The following TRPM3 variants were observed in gnomAD, a reference collection of about 807,000 sequenced individuals.
The protein encoded by TRPM3 is long transient receptor potential channel 3.
A neutral mutation model predicts 181.2 loss-of-function variants in TRPM3; 77 were observed. The observed-to-expected ratio is 0.42, with a 90% confidence interval of 0.35 to 0.51. TRPM3 has a LOEUF of 0.51. Ranked by LOEUF, TRPM3 falls within the 20% of genes least tolerant of loss-of-function variation. TRPM3 has a pLI of 0.01. For missense variants in TRPM3, 1,759 were observed against 2,196.7 expected (o/e 0.80, Z 3.98); for synonymous variants, 745 against 796.4 (o/e 0.94, Z 1.09).
intron 1 of TRPM3, among the ~76,000 whole-genome samples, chr9:70,886,993 CT>C (rs764065338): frequency 2.0e-5 from 3 of 152,170 alleles, no homozygotes; most frequent in Non-Finnish European, 4.4e-5. Context: ...ACAAATATAA[CT>C]GCAATTGACA....
intron 1 of TRPM3, among the ~76,000 whole-genome samples, chr9:71,117,667 G>A (rs1017047482): frequency 6.6e-6 from 1 of 152,120 alleles, no homozygotes; most frequent in Non-Finnish European, 1.5e-5. Flanking sequence ...TGTCCAGGCT[G>A]ACTTTTCCAG....
intron 1 of TRPM3, among the ~76,000 whole-genome samples, chr9:71,362,445 T>C (rs1405310679): frequency 2.6e-5 from 4 of 152,088 alleles, no homozygotes; most frequent in African/African-American, 9.7e-5. Context: ...CAAAGAAAAA[T>C]TCTGCTTTCT....
chr9:70,937,458 T>G (rs1355442059), intron 1 of TRPM3, among the ~76,000 whole-genome samples: 1 of 152,228 alleles, frequency 6.6e-6, no homozygotes, highest in Non-Finnish European at 1.5e-5. Flanking sequence ...TAGAATATTT[T>G]ATTTCATTCT....
Position 71,047,497 on chromosome 9 carries a change from T to C in TRPM3, c.177+73681A>G, listed in dbSNP as rs139462553. ...TCATTAAGAATGTACGCATGTCACA[T>C]AGAATGTTTAAAGGAATTCCACCGA... On this transcript the variant is annotated intron_variant, in intron 1 of 25. Transcript: ENST00000677713. 1.8e-3 allele frequency among the ~76,000 whole-genome samples: 267 copies of C among 152,286 alleles called. 2 individuals are homozygous for C. Among genetic ancestry groups the C allele is most frequent in the African/African-American group, 6.2e-3 (259 of 41,556 alleles).
chr9:70,990,142 T>A (rs1447411369), intron 1 of TRPM3, among the ~76,000 whole-genome samples: 2 of 152,198 alleles, frequency 1.3e-5, no homozygotes, highest in African/African-American at 4.8e-5. Flanking sequence ...GCTGTGTATT[T>A]AATACCTATT....
intron 1 of TRPM3, among the ~76,000 whole-genome samples, chr9:71,310,556 G>A (rs927791968): frequency 6.6e-6 from 1 of 152,052 alleles, no homozygotes; most frequent in Non-Finnish European, 1.5e-5. Context: ...TAATTTCATA[G>A]CCACCAAGCA....
At chr9:71,112,567 C>T (rs530264340) in intron 1 of TRPM3, among the ~76,000 whole-genome samples, 1 of 152,252 alleles carries the variant, frequency 6.6e-6, no homozygotes, top group South Asian at 2.1e-4. Flanking sequence ...CTTCAGAACA[C>T]TAATCAAAAA....
intron 1 of TRPM3, among the ~76,000 whole-genome samples, chr9:71,170,168 T>C (rs1396899047): frequency 6.6e-6 from 1 of 152,062 alleles, no homozygotes; most frequent in Non-Finnish European, 1.5e-5. Context: ...GATTCTCTAG[T>C]ACTGTTTCTG....
At chr9:71,145,367 T>C (rs1241573086) in intron 1 of TRPM3, among the ~76,000 whole-genome samples, 1 of 152,150 alleles carries the variant, frequency 6.6e-6, no homozygotes, top group Non-Finnish European at 1.5e-5. Context: ...CTGCTGCCCT[T>C]TCCTTTTCCG....
At chr9:70,933,109 T>G (rs891772542) in intron 1 of TRPM3, among the ~76,000 whole-genome samples, 1 of 152,130 alleles carries the variant, frequency 6.6e-6, no homozygotes, top group Non-Finnish European at 1.5e-5. Context: ...TAGACAAGAT[T>G]AGAAGAGATC....
chr9:70,884,506 C>A (rs947578910), intron 1 of TRPM3, among the ~76,000 whole-genome samples: 1 of 151,986 alleles, frequency 6.6e-6, no homozygotes, highest in African/African-American at 2.4e-5. Context: ...GCAAAGTGTG[C>A]GTGTGTGTGT....
intron 8 of TRPM3, among the ~76,000 whole-genome samples, chr9:70,700,485 T>C (rs1289586816): frequency 1.3e-5 from 2 of 152,182 alleles, no homozygotes; most frequent in Non-Finnish European, 2.9e-5. Context: ...GAGTCTCTAC[T>C]GCCCCCCTGC....
At chr9:70,857,044 G>A (rs2095406887) in intron 3 of TRPM3, among the ~76,000 whole-genome samples, 1 of 152,132 alleles carries the variant, frequency 6.6e-6, no homozygotes, top group Admixed American at 6.5e-5. Flanking sequence ...TCTTCTTGTT[G>A]CTCTGTAAAG....
chr9:71,350,976 T>C (rs185142964), intron 1 of TRPM3, among the ~76,000 whole-genome samples: 256 of 152,286 alleles, frequency 1.7e-3, no homozygotes, highest in Non-Finnish European at 3.2e-3. Flanking sequence ...TTTCTAAAAC[T>C]TTCTGGAAAT....
At chr9:70,576,964 T>C (rs2132273297) in intron 22 of TRPM3, among the ~76,000 whole-genome samples, 1 of 152,314 alleles carries the variant, frequency 6.6e-6, no homozygotes, top group East Asian at 1.9e-4. Context: ...CTATTTCCAT[T>C]ATTCACATTT....
intron 1 of TRPM3, among the ~76,000 whole-genome samples, chr9:70,911,610 G>A (rs1365383324): frequency 3.9e-5 from 6 of 152,194 alleles, no homozygotes; most frequent in African/African-American, 1.4e-4. Context: ...CTTTATCAAT[G>A]AACATCACCA....
intron 1 of TRPM3, among the ~76,000 whole-genome samples, chr9:71,388,934 G>A (rs550608089): frequency 9.9e-5 from 15 of 152,090 alleles, no homozygotes; most frequent in African/African-American, 1.9e-4. Flanking sequence ...AGATCCTGCC[G>A]TAAAAATTAT....
intron 1 of TRPM3, among the ~76,000 whole-genome samples, chr9:71,206,090 A>G (rs749049830): frequency 1.3e-5 from 2 of 152,244 alleles, no homozygotes; most frequent in Non-Finnish European, 2.9e-5. Context: ...AGAATGGTTT[A>G]TAATCCTTTG....
chr9:71,103,555 C>T (rs2068815144), intron 1 of TRPM3, among the ~76,000 whole-genome samples: 1 of 152,176 alleles, frequency 6.6e-6, no homozygotes, highest in Admixed American at 6.5e-5. Flanking sequence ...TCACTGACTA[C>T]AGAGTCCTGG....
Sources: allele counts gnomAD v4.1 joint callset (sites outside exome capture counted in the v4.1 genomes callset), GRCh38; gene constraint gnomAD v4.1.1; transcripts MANE v1.5; gene names NCBI Gene and HGNC (gene_info 2026-07-23, HGNC 2026-07-21).